The following ANTXRL variants were observed in gnomAD, a reference collection of about 807,000 sequenced individuals.
ANTXRL encodes anthrax toxin receptor-like.
ANTXRL carries 63 observed loss-of-function variants against 75.4 expected under a neutral mutation model. The observed-to-expected ratio is 0.84, with a 90% CI of 0.68 to 1.03. ANTXRL has a LOEUF of 1.03. ANTXRL is among the 50% of genes least tolerant of loss of function. The pLI, the probability that ANTXRL is intolerant of heterozygous loss-of-function variation, is 0.00. For synonymous variants in ANTXRL, 335 were observed against 291.3 expected, an observed-to-expected ratio of 1.15 and a Z score of -1.53; for missense variants, 797 against 789.4, an observed-to-expected ratio of 1.01 and a Z score of -0.12.
At chr10:46,292,747 T>G (rs555678512) in intron 2 of ANTXRL, 1 of 155,278 alleles carries the variant, frequency 6.4e-6, no homozygotes, top group South Asian at 2.0e-4. Flanking sequence ...CAGAGAAGGC[T>G]CTTGAGCAGG....
At position 46,306,845 on chromosome 10, in the gene ANTXRL, C is replaced by CAT. The variant is rs1838123101; in HGVS notation, c.938_939insAT (p.Gly314LeufsTer5). On this transcript the variant is annotated frameshift_variant, in exon 11 of 17. Transcript: ENST00000620264. LOFTEE classifies it high-confidence loss of function. ...ATCGACAATAATTCCATGAATTGCC[C>CAT]TGGGCCAAAACTAGAAAAACCTGGA... is the stretch of plus-strand genomic sequence containing the variant. 3 of 1,530,512 alleles carry CAT rather than the reference C, an allele frequency of 2.0e-6. No individual in the cohort carries two copies. Among genetic ancestry groups the CAT allele is most frequent in the Admixed American group, 4.0e-5 (2 of 49,828 alleles). The allele number at this position is 1,530,512 out of a possible 1,614,324, so 94.8% of individuals were successfully genotyped here. A position where few individuals can be genotyped will look rare whatever the true frequency, so the allele number is the denominator to read the frequency against.
intron 10 of ANTXRL, among the ~76,000 whole-genome samples, chr10:46,303,972 C>T (rs1351612624): frequency 2.6e-5 from 4 of 152,128 alleles, no homozygotes; most frequent in African/African-American, 4.8e-5. Context: ...GACTTCTCTT[C>T]CCCCAAGAGG....
intron 2 of ANTXRL, among the ~76,000 whole-genome samples, chr10:46,293,498 T>C (rs1344689935): frequency 1.6e-5 from 2 of 124,552 alleles, no homozygotes; most frequent in Admixed American, 8.3e-5. Flanking sequence ...GTTTGTGTGG[T>C]GTGTGCACCT....
At chr10:46,295,990 G>T in intron 3 of ANTXRL, 29 bp from the exon 4 acceptor site, 2 of 1,521,688 alleles carry the variant, frequency 1.3e-6, no homozygotes, top group Middle Eastern at 1.7e-4. Flanking sequence ...TGTCTTTCCA[G>T]GTCAACCACC....
intron 1 of ANTXRL, among the ~76,000 whole-genome samples, chr10:46,291,196 A>T (rs117698850): frequency 6.6e-6 from 1 of 152,224 alleles, no homozygotes; most frequent in East Asian, 1.9e-4. Flanking sequence ...GTTCTTTCCC[A>T]CACTGAGTGT....
At chr10:46,317,962 A>G (rs1838814386) in intron 16 of ANTXRL, among the ~76,000 whole-genome samples, 1 of 152,088 alleles carries the variant, frequency 6.6e-6, no homozygotes. Context: ...ACCACCTTAC[A>G]CTTACCCCAC....
At chr10:46,316,579 G>A (rs1254649853) in intron 16 of ANTXRL, among the ~76,000 whole-genome samples, 1 of 152,064 alleles carries the variant, frequency 6.6e-6, no homozygotes, top group Non-Finnish European at 1.5e-5. Flanking sequence ...AACATGGCAG[G>A]GTTGTTGAGT....
At chr10:46,297,158 C>T (rs782640085) in intron 5 of ANTXRL, 94 bp from the exon 6 acceptor site, 56 of 1,044,362 alleles carry the variant, frequency 5.4e-5, no homozygotes, top group Non-Finnish European at 6.9e-5. Context: ...GAGTGGGCAG[C>T]GCTGTGGGCC....
intron 16 of ANTXRL, among the ~76,000 whole-genome samples, chr10:46,315,861 GCAGT>G (rs1838698696): frequency 6.6e-6 from 1 of 152,186 alleles, no homozygotes; most frequent in South Asian, 2.1e-4. Context: ...TGTGGCAAAA[GCAGT>G]CAGTCTTGTT....
intron 14 of ANTXRL, among the ~76,000 whole-genome samples, chr10:46,311,192 A>G (rs1173618466): frequency 6.6e-6 from 1 of 152,076 alleles, no homozygotes; most frequent in Non-Finnish European, 1.5e-5. Flanking sequence ...AGAGTGGTCT[A>G]GGGGAGGCTG....
rs975408935 is a variant in ANTXRL, at chr10:46,320,861, G to A, written c.1410+7545G>A. On this transcript the variant is annotated intron_variant, in intron 16 of 16. Coordinates refer to ENST00000620264, the MANE Select transcript of ANTXRL (RefSeq NM_001278688.3). Reference sequence around the variant, plus strand: ...AAAGTACCCTACTGAATTTAATCTGGTGACATTATACAAGCAATTACTTGT... The same window carrying A: ...AAAGTACCCTACTGAATTTAATCTGATGACATTATACAAGCAATTACTTGT... 2.6e-4 allele frequency among the ~76,000 whole-genome samples: 40 copies of A among 152,134 alleles called. 1 individual carries two copies. Among genetic ancestry groups the A allele is most frequent in the Admixed American group, 3.9e-4 (6 of 15,274 alleles).
At chr10:46,303,004 G>A (rs1471392140) in intron 10 of ANTXRL, among the ~76,000 whole-genome samples, 184 bp downstream of exon 10, 1 of 152,094 alleles carries the variant, frequency 6.6e-6, no homozygotes, top group East Asian at 1.9e-4. Context: ...CATCTGCCAA[G>A]TGGGGAAGTA....
chr10:46,304,445 G>A (rs1554961349), intron 10 of ANTXRL, among the ~76,000 whole-genome samples: 1 of 152,112 alleles, frequency 6.6e-6, no homozygotes, highest in African/African-American at 2.4e-5. Flanking sequence ...AAAAAGATCA[G>A]TTACAAGGGT....
At chr10:46,327,577 T>C (rs1337812331) in intron 16 of ANTXRL, among the ~76,000 whole-genome samples, 2 of 151,904 alleles carry the variant, frequency 1.3e-5, no homozygotes, top group Non-Finnish European at 2.9e-5. Flanking sequence ...AGAGGGCAGG[T>C]CACAGGACGG....
chr10:46,304,058 C>G (rs538416316), intron 10 of ANTXRL, among the ~76,000 whole-genome samples: 7 of 152,282 alleles, frequency 4.6e-5, no homozygotes, highest in Admixed American at 2.6e-4. Flanking sequence ...TCCCACTCAT[C>G]AGCATTGTGT....
At chr10:46,329,488 T>C in intron 16 of ANTXRL, 111 bp from the exon 17 acceptor site, 4 of 1,379,634 alleles carry the variant, frequency 2.9e-6, no homozygotes, top group Non-Finnish European at 3.8e-6. Flanking sequence ...AGGCCCACCC[T>C]GTGGGTCCCG....
At chr10:46,290,045 CT>C (rs34276033) in intron 1 of ANTXRL, among the ~76,000 whole-genome samples, 2,068 of 119,580 alleles carry the variant, frequency 0.017, 27 homozygotes, top group East Asian at 0.069. Flanking sequence ...TTTTCTTTAT[CT>C]TTTTTTTTTT....
intron 7 of ANTXRL, 147 bp from the exon 8 acceptor site, chr10:46,297,684 G>A: frequency 1.2e-6 from 1 of 861,444 alleles, no homozygotes; most frequent in Middle Eastern, 3.4e-4. Flanking sequence ...CCTAAGAGTG[G>A]GCTGCTGGCT....
At chr10:46,304,567 C>G (rs1217840788) in intron 10 of ANTXRL, among the ~76,000 whole-genome samples, 1 of 152,044 alleles carries the variant, frequency 6.6e-6, no homozygotes, top group African/African-American at 2.4e-5. Flanking sequence ...TTTGCAAAGT[C>G]TTTTGTGATA....
Sources: gnomAD v4.1 joint callset for allele counts (sites outside exome capture counted in the v4.1 genomes callset) on GRCh38, gnomAD v4.1.1 for gene constraint, MANE v1.5 for transcripts, NCBI Gene and HGNC (gene_info 2026-07-23, HGNC 2026-07-21) for gene names.